Variants in COL5A1 observed in about 807,000 individuals in gnomAD.
COL5A1 encodes collagen type V alpha 1 chain.
COL5A1 carries 16 observed loss-of-function variants against 263.7 expected under a neutral mutation model. The observed-to-expected ratio is 0.06, with a 90% CI of 0.04 to 0.09. The LOEUF is 0.09. Among genes scored for constraint, COL5A1 ranks in the 10% least tolerant of loss-of-function variants. The pLI is 1.00. For missense variants in COL5A1, 2,036 were observed against 2,540.5 expected, an observed-to-expected ratio of 0.80 and a Z score of 4.27; for synonymous variants, 1,012 against 1,004.5, an observed-to-expected ratio of 1.01 and a Z score of -0.14.
At chr9:134,709,656 C>T (rs537691063) in intron 4 of COL5A1, among the ~76,000 whole-genome samples, 2 of 152,198 alleles carry the variant, frequency 1.3e-5, no homozygotes, top group Non-Finnish European at 2.9e-5. Context: ...CCTGGCCCCT[C>T]CTGCTGCCTG....
At position 134,757,886 on chromosome 9, in the gene COL5A1, C is replaced by G. The variant is rs1836040679; in HGVS notation, c.1882-357C>G. On this transcript the variant is annotated intron_variant, in intron 17 of 65. Transcript: ENST00000371817. This position sits in a 1 kb window ranked among gnomAD's most constrained non-coding sequence, Gnocchi z 6.2. ...AGCTGTGAGCGGACACACCGGGACC[C>G]TGCTCTCCTGGAGCCTCCCTGGGGT... is the stretch of plus-strand genomic sequence containing the variant. 6.6e-6 allele frequency among the ~76,000 whole-genome samples: 1 copy of G among 152,204 alleles called. No homozygotes were observed. The highest frequency in any genetic ancestry group is 2.4e-5 in the African/African-American group (1 of 41,456).
intron 25 of COL5A1, among the ~76,000 whole-genome samples, chr9:134,770,124 A>G (rs1446255815): frequency 2.0e-5 from 3 of 152,262 alleles, no homozygotes; most frequent in Non-Finnish European, 4.4e-5. Flanking sequence ...GGGTAGGCCC[A>G]AAGACAGCCC....
intron 42 of COL5A1, chr9:134,808,831 C>T (rs1018016403): frequency 1.7e-5 from 6 of 347,176 alleles, no homozygotes; most frequent in South Asian, 8.3e-5. Context: ...GGCTTGGCTC[C>T]CGGTCACTAG....
chr9:134,689,271 C>A (rs930488184), intron 1 of COL5A1, among the ~76,000 whole-genome samples: 19 of 152,212 alleles, frequency 1.2e-4, no homozygotes, highest in African/African-American at 4.6e-4. Flanking sequence ...CACCTCCAAA[C>A]CTTCTGCCCT....
intron 4 of COL5A1, among the ~76,000 whole-genome samples, chr9:134,719,938 C>A (rs572939591): frequency 1.3e-5 from 2 of 152,114 alleles, no homozygotes; most frequent in African/African-American, 4.8e-5. Context: ...TGGTTCCTTG[C>A]GCTTGTGTGC....
In COL5A1 at chr9:134,789,719, T is replaced by C. The variant is rs912736514; in HGVS notation, c.2700+511T>C. Reference sequence around the variant, plus strand: ...CTTGCAGTGTGGTTTGAGTCCCCTTTGTCCTCACCCTCAGCGAAGGAACAG... The same window carrying C: ...CTTGCAGTGTGGTTTGAGTCCCCTTCGTCCTCACCCTCAGCGAAGGAACAG... On this transcript the variant is annotated intron_variant, in intron 32 of 65. Coordinates refer to ENST00000371817, the MANE Select transcript of COL5A1 (RefSeq NM_000093.5). This position sits in a 1 kb window ranked among gnomAD's most constrained non-coding sequence, Gnocchi z 4.8. Among the ~76,000 whole-genome samples, 1 of 152,216 alleles carries C rather than the reference T, an allele frequency of 6.6e-6. No homozygotes were observed. Among genetic ancestry groups the C allele is most frequent in the African/African-American group, 2.4e-5 (1 of 41,452 alleles).
Position 134,814,790 on chromosome 9 carries a change from C to A in COL5A1, c.3907-7C>A. 1 of 1,549,942 alleles carries A rather than the reference C, an allele frequency of 6.5e-7. No individual in the cohort carries two copies. Among genetic ancestry groups the A allele is most frequent in the Non-Finnish European group, 8.7e-7 (1 of 1,145,502 alleles). ...CTGAGGACTTGACACTGGCCTCTTTCCTCCAGGGACCCAAAGGAGAAAGGG... is the reference window on the plus strand; with the variant it reads ...CTGAGGACTTGACACTGGCCTCTTTACTCCAGGGACCCAAAGGAGAAAGGG... On this transcript the variant is annotated splice_polypyrimidine_tract_variant and splice_region_variant and intron_variant, in intron 49 of 65. Transcript: ENST00000371817.
intron 50 of COL5A1, among the ~76,000 whole-genome samples, chr9:134,815,360 C>T (rs1236937041): frequency 1.3e-5 from 2 of 152,246 alleles, no homozygotes; most frequent in African/African-American, 4.8e-5. Context: ...CAGCTGACCC[C>T]TGCCATGCCC....
intron 1 of COL5A1, among the ~76,000 whole-genome samples, chr9:134,651,267 T>C (rs1459442236): frequency 6.6e-6 from 1 of 152,240 alleles, no homozygotes; most frequent in Non-Finnish European, 1.5e-5. Context: ...AAAAACAGTG[T>C]GGCGATTCCT....
In COL5A1 at chr9:134,795,290, G is replaced by T; in HGVS notation, c.2774G>T (p.Gly925Val). The T allele has an allele frequency of 6.2e-7, 1 of 1,613,812 alleles. No homozygotes were observed. Among genetic ancestry groups the T allele is most frequent in the South Asian group, 1.1e-5 (1 of 91,066 alleles). Residue 925 changes from glycine to valine, a missense_variant, in exon 34 of 66, where the codon GGC becomes GTC. This residue lies in a region of COL5A1 where 1,078 missense variants were observed against 1,521.4 expected (regional missense o/e 0.71). Transcript: ENST00000371817. Reference sequence around the variant, plus strand: ...CCGAGGGGTGAAAGAGGCCCCCGGGGCATCACTGGGAAGCCTGGCCCCAAG... The same window carrying T: ...CCGAGGGGTGAAAGAGGCCCCCGGGTCATCACTGGGAAGCCTGGCCCCAAG... ...TGPRGERGPR[G>V]ITGKPGPKGN...
At chr9:134,763,390 A>G (rs1166939536) in intron 19 of COL5A1, among the ~76,000 whole-genome samples, 3 of 152,232 alleles carry the variant, frequency 2.0e-5, no homozygotes, top group African/African-American at 7.2e-5. Flanking sequence ...CTGTCATTCA[A>G]GAAGGTCACC....
At chr9:134,760,406 T>A (rs1226333118) in intron 18 of COL5A1, among the ~76,000 whole-genome samples, 3 of 41,330 alleles carry the variant, frequency 7.3e-5, no homozygotes, top group African/African-American at 1.4e-4. Flanking sequence ...ACCCCCACAC[T>A]CATACACACA....
At chr9:134,659,129 C>T (rs916599544) in intron 1 of COL5A1, among the ~76,000 whole-genome samples, 1 of 152,168 alleles carries the variant, frequency 6.6e-6, no homozygotes, top group African/African-American at 2.4e-5. Flanking sequence ...TGTGGTGGCT[C>T]AGGCCTGTAA....
chr9:134,782,179 C>T (rs970123997), intron 28 of COL5A1, among the ~76,000 whole-genome samples: 10 of 152,242 alleles, frequency 6.6e-5, no homozygotes, highest in African/African-American at 1.9e-4. Flanking sequence ...CCGCCACCCC[C>T]GGCAACACCC....
intron 5 of COL5A1, among the ~76,000 whole-genome samples, chr9:134,727,843 G>T (rs1296478352): frequency 6.6e-6 from 1 of 152,170 alleles, no homozygotes; most frequent in Admixed American, 6.5e-5. Context: ...CTGTAGAGTG[G>T]CAGCCGTGCC....
intron 4 of COL5A1, among the ~76,000 whole-genome samples, chr9:134,702,836 C>T (rs1360272534): frequency 6.6e-6 from 1 of 152,192 alleles, no homozygotes; most frequent in African/African-American, 2.4e-5. Flanking sequence ...TTAGGGTCTC[C>T]GTCTGTAAAA....
intron 63 of COL5A1, 31 bp from the exon 64 acceptor site, chr9:134,829,945 C>T (rs775621493): frequency 1.1e-4 from 169 of 1,604,950 alleles, no homozygotes; most frequent in Non-Finnish European, 1.3e-4. Flanking sequence ...TTCTGTTTCT[C>T]TCCCTCCCCA....
chr9:134,685,658 A>C (rs1833044041), intron 1 of COL5A1, among the ~76,000 whole-genome samples: 1 of 136,308 alleles, frequency 7.3e-6, no homozygotes, highest in Non-Finnish European at 1.5e-5. Context: ...GCATCCATTC[A>C]TCCATCCACC....
chr9:134,812,784 GTGTC>G (rs1330825859), intron 48 of COL5A1, 72 bp downstream of exon 48: 5 of 1,068,354 alleles, frequency 4.7e-6, no homozygotes, highest in South Asian at 1.3e-5. Context: ...CTGTGTGTGT[GTGTC>G]TGTGTGTATG....
Sources: gnomAD v4.1 joint callset for allele counts (sites outside exome capture counted in the v4.1 genomes callset) on GRCh38, gnomAD v4.1.1 for gene constraint, gnomAD v4.1.1 regional missense constraint, Gnocchi (gnomAD v3.1) non-coding constraint, MANE v1.5 for transcripts, NCBI Gene and HGNC (gene_info 2026-07-23, HGNC 2026-07-21) for gene names.